The following SH2D3C variants were observed in gnomAD, a reference collection of about 807,000 sequenced individuals.
The protein encoded by SH2D3C is SH2 domain-containing protein 3C.
In SH2D3C, 25 loss-of-function variants were observed where a neutral mutation model predicts 75.2. The ratio of observed to expected loss-of-function variants is 0.33; its 90% confidence interval spans 0.24 to 0.46. The LOEUF (loss-of-function observed/expected upper bound fraction) is 0.46, where lower values mean the gene tolerates loss of function less well. Among genes scored for constraint, SH2D3C ranks in the 20% least tolerant of loss-of-function variants. The pLI, the probability that SH2D3C is intolerant of heterozygous loss-of-function variation, is 1.00. For synonymous variants in SH2D3C, 450 were observed against 473.7 expected (o/e 0.95, Z 0.65); for missense variants, 933 against 1,165.3 (o/e 0.80, Z 2.90).
Position 127,754,379 on chromosome 9 carries a change from C to T in SH2D3C, c.556-3079G>A, listed in dbSNP as rs551837601. Among the ~76,000 whole-genome samples the T allele has an allele frequency of 1.0e-3, 159 of 152,222 alleles. 8 individuals are homozygous for T. In the South Asian group the frequency reaches 0.033, roughly 31 times the overall value. On this transcript the variant is annotated intron_variant, in intron 3 of 11. Transcript: ENST00000314830. The surrounding 1 kb of genome is among the most constrained non-coding windows in gnomAD (Gnocchi z 4.4). Reference sequence around the variant, plus strand: ...CGGACAGGGTCTTAACCCCTTCCCGCCAGCCCGAGCCCAGCATCCCCTCCA... The same window carrying T: ...CGGACAGGGTCTTAACCCCTTCCCGTCAGCCCGAGCCCAGCATCCCCTCCA...
At chr9:127,763,439 C>T (rs980976793) in intron 2 of SH2D3C, among the ~76,000 whole-genome samples, 5 of 152,092 alleles carry the variant, frequency 3.3e-5, no homozygotes, top group East Asian at 3.8e-4. Context: ...AAAAATTAGC[C>T]GGGCGTGGCA....
At position 127,741,921 on chromosome 9, in the gene SH2D3C, A is replaced by G. The variant is rs774010131; in HGVS notation, c.1955T>C (p.Leu652Pro). ...TMSIMLAVDI[L>P]GCTGSAEERA... ...CTCCTCCGCAGAGCCGGTGCAGCCC[A>G]GGATGTCCACGGCCAGCATGATGGA... The change falls in exon 9 of 12, where the codon CTG (leucine) becomes CCG (proline). Residue 652 changes from leucine to proline, a missense_variant. Coordinates refer to ENST00000314830, the MANE Select transcript of SH2D3C (RefSeq NM_170600.3). 1 of 1,612,944 alleles carries G rather than the reference A, an allele frequency of 6.2e-7. No homozygotes were observed.
chr9:127,739,894 A>C lies in SH2D3C; in HGVS notation c.2201-6T>G. The C allele has an allele frequency of 6.6e-7, 1 of 1,515,094 alleles. No individual in the cohort carries two copies. The highest frequency in any genetic ancestry group is 8.9e-7 in the Non-Finnish European group (1 of 1,124,344). 93.9% of individuals were successfully genotyped at this position (1,515,094 alleles called of 1,614,324 possible). ...GTTGCTCAGCGGCGGGCCTTCTGCA[A>C]GGAGAAAGGCAGCAGGCGCTTAAAG... On this transcript the variant is annotated splice_region_variant and splice_polypyrimidine_tract_variant and intron_variant, in intron 10 of 11. Transcript: ENST00000314830. This position sits in a 1 kb window ranked among gnomAD's most constrained non-coding sequence, Gnocchi z 4.3.
chr9:127,747,922 G>C (rs1845082550), intron 5 of SH2D3C, among the ~76,000 whole-genome samples: 1 of 152,084 alleles, frequency 6.6e-6, no homozygotes, highest in Non-Finnish European at 1.5e-5. Flanking sequence ...ACAAAGCTTA[G>C]AGCAGCCTGA....
chr9:127,767,291 A>C (rs1483033198), intron 2 of SH2D3C: 6 of 1,441,874 alleles, frequency 4.2e-6, no homozygotes, highest in Non-Finnish European at 5.4e-6. Context: ...AAGAGAGAAA[A>C]GAAAAGGCAT....
At chr9:127,767,224 G>T (rs372915602) in intron 2 of SH2D3C, 94 of 1,499,802 alleles carry the variant, frequency 6.3e-5, no homozygotes, top group Admixed American at 3.7e-4. Context: ...TTCCCAGAGC[G>T]GAGCTGAGGA....
rs769105159 is a variant in SH2D3C at position 127,751,269 on chromosome 9, G to A, written c.587C>T (p.Ser196Leu). 1.7e-5 allele frequency: 28 copies of A among 1,613,582 alleles called. No individual in the cohort carries two copies. Among genetic ancestry groups the A allele is most frequent in the East Asian group, 6.7e-5 (3 of 44,894 alleles). The change falls in exon 4 of 12, where the codon TCG becomes TTG. Residue 196 changes from serine to leucine, a missense_variant. Transcript: ENST00000314830. This position sits in a 1 kb window ranked among gnomAD's most constrained non-coding sequence, Gnocchi z 4.1. ...FSKEKYILDSSPEKLHKELEE... is the reference protein window; with the variant it reads ...FSKEKYILDSLPEKLHKELEE... ...CAATTCCTTGTGGAGTTTCTCTGGC[G>A]ATGAGTCCAGGATGTACTTCTCCTT...
At chr9:127,746,088 A>G (rs1192689178) in intron 6 of SH2D3C, among the ~76,000 whole-genome samples, 1 of 152,222 alleles carries the variant, frequency 6.6e-6, no homozygotes, top group East Asian at 1.9e-4. Flanking sequence ...TTAAGTCTTG[A>G]CATCTGGGCT....
At chr9:127,747,442 G>A (rs981179158) in intron 5 of SH2D3C, among the ~76,000 whole-genome samples, 171 bp from the exon 6 acceptor site, 5 of 152,210 alleles carry the variant, frequency 3.3e-5, no homozygotes. Context: ...CCAGATGAGG[G>A]AGGGGGCACA....
At chr9:127,741,380 A>C (rs1358686422) in intron 9 of SH2D3C, among the ~76,000 whole-genome samples, 1 of 151,626 alleles carries the variant, frequency 6.6e-6, no homozygotes, top group Non-Finnish European at 1.5e-5. Flanking sequence ...AGCTGGGATT[A>C]CAGGTGCGCA....
At chr9:127,742,791 C>A in intron 8 of SH2D3C, 58 bp downstream of exon 8, 3 of 1,382,476 alleles carry the variant, frequency 2.2e-6, no homozygotes, top group Non-Finnish European at 2.0e-6. Flanking sequence ...CCCCGTCCAG[C>A]GGGGAGTGCG....
chr9:127,771,578 T>A, intron 2 of SH2D3C: 3 of 303,712 alleles, frequency 9.9e-6, no homozygotes, highest in East Asian at 6.4e-5. Context: ...CCGCGCAGCC[T>A]GGGGTAGGCC....
rs761511630 is a variant in SH2D3C, at chr9:127,778,647, C to A, written c.-20G>T. On this transcript the variant is annotated 5_prime_UTR_variant, in exon 1 of 12. Transcript: ENST00000314830. ...TGTCATCTTGGCAAATTGTGTGAAG[C>A]CCTTGGCCAGCTTGCGAGTGGCCAC... is the stretch of plus-strand genomic sequence containing the variant. The A allele has an allele frequency of 2.2e-4, 349 of 1,613,026 alleles. 1 individual carries two copies. Among genetic ancestry groups the A allele is most frequent in the Non-Finnish European group, 2.8e-4 (335 of 1,179,118 alleles).
rs770467335 is a variant in SH2D3C at position 127,754,687 on chromosome 9, G to A, written c.556-3387C>T. 2.4e-4 allele frequency: 80 copies of A among 330,890 alleles called. No individual in the cohort carries two copies. The highest frequency in any genetic ancestry group is 1.9e-3 in the Admixed American group (51 of 27,444). 20.5% of individuals were successfully genotyped at this position (330,890 alleles called of 1,614,324 possible). On this transcript the variant is annotated intron_variant, in intron 3 of 11. Transcript: ENST00000314830. The surrounding 1 kb of genome is among the most constrained non-coding windows in gnomAD (Gnocchi z 4.4). Reference sequence around the variant, plus strand: ...CACTCAGTCTTCAGATCCCAGTCCGGCGCCCCCGGTACAATGGGGAGCCAG... The same window carrying A: ...CACTCAGTCTTCAGATCCCAGTCCGACGCCCCCGGTACAATGGGGAGCCAG...
Position 127,741,894 on chromosome 9 carries a change from C to G in SH2D3C, c.1982G>C (p.Arg661Pro). The G allele has an allele frequency of 6.2e-7, 1 of 1,613,130 alleles. No homozygotes were observed. The highest frequency in any genetic ancestry group is 8.5e-7 in the Non-Finnish European group (1 of 1,179,988). ...AATGGTCTTGTGCAGCAGCGCTGCC[C>G]GCTCCTCCGCAGAGCCGGTGCAGCC... ...ILGCTGSAEE[R>P]AALLHKTIQL... Residue 661 changes from arginine (R) to proline (P), a missense_variant, in exon 9 of 12, where the codon CGG becomes CCG. By Grantham distance (103) the Arg-to-Pro change is moderately radical. Transcript: ENST00000314830.
chr9:127,766,727 G>A (rs1370557657), intron 2 of SH2D3C, among the ~76,000 whole-genome samples: 2 of 152,182 alleles, frequency 1.3e-5, no homozygotes, highest in East Asian at 1.9e-4. Context: ...GCGCCACCAC[G>A]CCCGGCTAGT....
Position 127,750,344 on chromosome 9 carries a change from G to A in SH2D3C, c.685-679C>T, listed in dbSNP as rs559258558. Among the ~76,000 whole-genome samples the A allele has an allele frequency of 6.6e-5, 10 of 152,040 alleles. 1 individual carries two copies. Among genetic ancestry groups the A allele is most frequent in the East Asian group, 1.9e-4 (1 of 5,162 alleles). Reference sequence around the variant, plus strand: ...TAATTTTCGTATTTTTAGTAGAGACGAGGTTTCACCATGTGGGCCAGGCTG... The same window carrying A: ...TAATTTTCGTATTTTTAGTAGAGACAAGGTTTCACCATGTGGGCCAGGCTG... On this transcript the variant is annotated intron_variant, in intron 4 of 11. Transcript: ENST00000314830.
intron 2 of SH2D3C, among the ~76,000 whole-genome samples, chr9:127,768,897 C>A (rs988097596): frequency 6.6e-6 from 1 of 152,164 alleles, no homozygotes; most frequent in Non-Finnish European, 1.5e-5. Context: ...TCCTTCCCAG[C>A]CAGCAAGAGG....
At chr9:127,772,286 G>C (rs1845751803) in intron 2 of SH2D3C, among the ~76,000 whole-genome samples, 1 of 144,764 alleles carries the variant, frequency 6.9e-6, no homozygotes, top group Non-Finnish European at 1.5e-5. Flanking sequence ...TTGTCGCCCA[G>C]GCTGGAGTGT....
Sources: gnomAD v4.1 joint callset for allele counts (sites outside exome capture counted in the v4.1 genomes callset) on GRCh38, gnomAD v4.1.1 for gene constraint, Gnocchi (gnomAD v3.1) non-coding constraint, MANE v1.5 for transcripts, NCBI Gene and HGNC (gene_info 2026-07-23, HGNC 2026-07-21) for gene names.